Variants in SV2C observed in about 807,000 individuals in gnomAD.
The protein encoded by SV2C is solute carrier family 22 member B3.
Under a neutral mutation model 79.7 loss-of-function variants are expected in SV2C, and 49 were observed. The observed-to-expected ratio is 0.61, with a 90% CI of 0.49 to 0.78. The LOEUF (loss-of-function observed/expected upper bound fraction) is 0.78. Ranked by LOEUF, SV2C falls within the 30% of genes least tolerant of loss-of-function variation. The probability of loss-of-function intolerance (pLI) is 0.00; values close to 1 mark genes in which losing one functional copy is unlikely to be tolerated. For synonymous variants in SV2C, 334 were observed against 333.2 expected (o/e 1.00, Z -0.03); for missense variants, 833 against 912.9 (o/e 0.91, Z 1.13).
At chr5:75,855,986 C>T in the SV2C span, among the ~76,000 whole-genome samples, 3 of 152,150 alleles carry the variant, frequency 2.0e-5, no homozygotes, top group Non-Finnish European at 2.9e-5. Context: ...TACTCTCTAT[C>T]TCCATGAGTT....
At chr5:76,255,806 ACT>A (rs1476629666) in intron 4 of SV2C, among the ~76,000 whole-genome samples, 15 of 151,382 alleles carry the variant, frequency 9.9e-5, no homozygotes, top group Non-Finnish European at 2.2e-4. Flanking sequence ...CTCACCTGAG[ACT>A]CTCATCTCCG....
chr5:76,086,236 C>T (rs964298678), intron 1 of SV2C, among the ~76,000 whole-genome samples: 4 of 152,154 alleles, frequency 2.6e-5, no homozygotes, highest in East Asian at 1.9e-4. Context: ...CAGGAGATTA[C>T]GGCAAAGGCA....
chr5:76,078,610 C>A (rs914454501), upstream of SV2C: 3 of 387,774 alleles, frequency 7.7e-6, no homozygotes, highest in South Asian at 2.4e-5. Context: ...GCCCCTACCC[C>A]CTGGCTCCCA....
chr5:76,282,381 G>A (rs1367879846), intron 4 of SV2C, among the ~76,000 whole-genome samples: 5 of 152,228 alleles, frequency 3.3e-5, no homozygotes, highest in Admixed American at 2.6e-4. Flanking sequence ...ACTCATCCAT[G>A]TACAGACAAG....
chr5:75,941,073 G>A, the SV2C span, among the ~76,000 whole-genome samples: 2 of 152,092 alleles, frequency 1.3e-5, no homozygotes, highest in African/African-American at 4.8e-5. Flanking sequence ...CATACATTAT[G>A]CAAATTTCTT....
chr5:75,971,084 T>C, the SV2C span, among the ~76,000 whole-genome samples: 1 of 152,066 alleles, frequency 6.6e-6, no homozygotes, highest in South Asian at 2.1e-4. Flanking sequence ...CACATGATTA[T>C]CTCAACAGAT....
chr5:76,342,786 T>C (rs183881905), intron 12 of SV2C, among the ~76,000 whole-genome samples: 8 of 152,294 alleles, frequency 5.3e-5, no homozygotes, highest in African/African-American at 1.7e-4. Flanking sequence ...AATAATATAA[T>C]CCAAGTGCTT....
rs1356103096 is a variant in SV2C, at chr5:76,301,534, C to T, written c.1989C>T (p.Pro663=). The T allele has an allele frequency of 4.3e-6, 7 of 1,613,320 alleles. No homozygotes were observed. The South Asian group carries it at 4.4e-5, about 10-fold the overall frequency. Residue 663 remains proline (P), a synonymous_variant, in exon 12 of 13, where the codon CCC becomes CCT. Transcript: ENST00000502798. ...SLDVVTVELY[P]TDRRATGFGF... is the part of the protein sequence containing the mutation. ...ACGTGGTCACTGTGGAACTGTACCC[C>T]ACAGACCGGAGGTATGTTGAAATGG...
rs1235571375 is a variant in SV2C at position 76,333,072 on chromosome 5, A to T, written c.*7525A>T. ...TATTTCATGCTATGCAAACAAAATGAAACTAGTTTGAAGTTGCAAAGTGTC... is the reference window on the plus strand; with the variant it reads ...TATTTCATGCTATGCAAACAAAATGTAACTAGTTTGAAGTTGCAAAGTGTC... On this transcript the variant is annotated 3_prime_UTR_variant, in exon 13 of 13. Coordinates refer to ENST00000502798, the MANE Select transcript of SV2C (RefSeq NM_014979.4). 6.6e-6 allele frequency: 1 copy of T among 152,218 alleles called. No homozygotes were observed. The highest frequency in any genetic ancestry group is 1.5e-5 in the Non-Finnish European group (1 of 68,040). 9.4% of individuals were successfully genotyped at this position (152,218 alleles called of 1,614,324 possible).
intron 1 of SV2C, among the ~76,000 whole-genome samples, chr5:76,125,893 A>G (rs1748690901): frequency 6.6e-6 from 1 of 152,062 alleles, no homozygotes; most frequent in Non-Finnish European, 1.5e-5. Flanking sequence ...CTTCATCTCT[A>G]CAAAAAATAA....
At chr5:76,000,203 T>C in the SV2C span, among the ~76,000 whole-genome samples, 1 of 152,090 alleles carries the variant, frequency 6.6e-6, no homozygotes, top group Non-Finnish European at 1.5e-5. Context: ...TCATGAAGCC[T>C]TTGAGACATT....
At chr5:76,349,548 A>G (rs906205635) in intron 12 of SV2C, among the ~76,000 whole-genome samples, 2 of 152,196 alleles carry the variant, frequency 1.3e-5, no homozygotes, top group Non-Finnish European at 2.9e-5. Flanking sequence ...GATTATTACC[A>G]AAGACATGTA....
At chr5:76,010,247 A>G in the SV2C span, among the ~76,000 whole-genome samples, 1 of 152,086 alleles carries the variant, frequency 6.6e-6, no homozygotes, top group Non-Finnish European at 1.5e-5. Flanking sequence ...ATGCAGAGAA[A>G]TTCATAATTA....
At chr5:76,097,301 G>A (rs1273574170) in intron 1 of SV2C, among the ~76,000 whole-genome samples, 1 of 152,116 alleles carries the variant, frequency 6.6e-6, no homozygotes, top group Non-Finnish European at 1.5e-5. Context: ...AATTTTTTAG[G>A]AGTAAAACTA....
chr5:76,079,928 T>C (rs1746958390), upstream of SV2C, among the ~76,000 whole-genome samples: 1 of 152,126 alleles, frequency 6.6e-6, no homozygotes, highest in African/African-American at 2.4e-5. Flanking sequence ...AAATGTATAT[T>C]TTGATGAGCT....
At chr5:76,061,749 T>C in the SV2C span, among the ~76,000 whole-genome samples, 2 of 152,064 alleles carry the variant, frequency 1.3e-5, no homozygotes, top group Non-Finnish European at 2.9e-5. Context: ...AATTATAGAG[T>C]ATTTAGAGAG....
chr5:76,035,437 C>G, the SV2C span, among the ~76,000 whole-genome samples: 1 of 151,996 alleles, frequency 6.6e-6, no homozygotes, highest in Non-Finnish European at 1.5e-5. Flanking sequence ...CCAAGAGATT[C>G]TGGTATGTTG....
the SV2C span, among the ~76,000 whole-genome samples, chr5:75,991,561 A>G: frequency 7.7e-6 from 1 of 130,518 alleles, no homozygotes; most frequent in Non-Finnish European, 1.6e-5. Flanking sequence ...GCAGTTTCTT[A>G]GCAAGATATA....
intron 1 of SV2C, among the ~76,000 whole-genome samples, chr5:76,121,733 TG>T (rs1234513656): frequency 6.6e-6 from 1 of 152,040 alleles, no homozygotes; most frequent in Non-Finnish European, 1.5e-5. Flanking sequence ...TCTATATCTC[TG>T]TTTTGGTACC....
Sources: allele counts gnomAD v4.1 joint callset (sites outside exome capture counted in the v4.1 genomes callset), GRCh38; gene constraint gnomAD v4.1.1; transcripts MANE v1.5; gene names NCBI Gene and HGNC (gene_info 2026-07-23, HGNC 2026-07-21).